Variants in LDLRAD3 observed in about 807,000 individuals in gnomAD.
LDLRAD3 encodes the protein low-density lipoprotein receptor class A domain-containing protein 3.
In LDLRAD3, 20 loss-of-function variants were observed where a neutral mutation model predicts 29.4. The observed-to-expected ratio is 0.68, with a 90% CI of 0.48 to 0.99. The LOEUF (loss-of-function observed/expected upper bound fraction) is 0.99, where lower values mean the gene tolerates loss of function less well. LDLRAD3 is among the 50% of genes least tolerant of loss of function. The pLI is 0.00. For synonymous variants in LDLRAD3, 157 were observed against 192.7 expected (o/e 0.81, Z 1.53); for missense variants, 420 against 454.3 (o/e 0.92, Z 0.69).
chr11:35,967,685 A>G (rs557685192), intron 1 of LDLRAD3: 2 of 470,198 alleles, frequency 4.3e-6, no homozygotes, highest in Non-Finnish European at 8.5e-6. Flanking sequence ...ACAAGGTTTC[A>G]TGTCCGGGTG....
chr11:36,082,485 G>C (rs1853130112), intron 3 of LDLRAD3, among the ~76,000 whole-genome samples: 1 of 152,242 alleles, frequency 6.6e-6, no homozygotes. Flanking sequence ...TCCAGCCTGG[G>C]CAACAGAGTG....
intron 4 of LDLRAD3, among the ~76,000 whole-genome samples, chr11:36,145,361 C>T (rs1397101117): frequency 2.2e-5 from 2 of 91,974 alleles, no homozygotes; most frequent in African/African-American, 5.3e-5. Flanking sequence ...CCCGGCCAGC[C>T]GCCCCGTCTG....
intron 1 of LDLRAD3, among the ~76,000 whole-genome samples, chr11:35,954,133 A>G (rs1851172021): frequency 6.6e-6 from 1 of 152,204 alleles, no homozygotes; most frequent in Admixed American, 6.5e-5. Context: ...CATTTGTGTT[A>G]TTCAAGTAAA....
rs533803571 is a variant in LDLRAD3 at position 36,105,052 on chromosome 11, C to T, written c.454+6591C>T. ...GCTCTTCTCAAGCAGCCACCAATGCCGGGAGAGTTAATTAAGTGTTTTGGC... is the reference window on the plus strand; with the variant it reads ...GCTCTTCTCAAGCAGCCACCAATGCTGGGAGAGTTAATTAAGTGTTTTGGC... On this transcript the variant is annotated intron_variant, in intron 4 of 5. Transcript: ENST00000315571. Among the ~76,000 whole-genome samples the T allele has an allele frequency of 8.5e-5, 13 of 152,210 alleles. No homozygotes were observed. In the South Asian group the frequency reaches 2.3e-3, roughly 27 times the overall value.
At chr11:35,964,309 G>A (rs1213794897) in intron 1 of LDLRAD3, among the ~76,000 whole-genome samples, 1 of 152,162 alleles carries the variant, frequency 6.6e-6, no homozygotes, top group Non-Finnish European at 1.5e-5. Context: ...TGTCATGATC[G>A]TGATTTGACC....
At chr11:36,060,882 T>C (rs1852688017) in intron 2 of LDLRAD3, among the ~76,000 whole-genome samples, 1 of 152,214 alleles carries the variant, frequency 6.6e-6, no homozygotes, top group African/African-American at 2.4e-5. Context: ...TTTTAAACTA[T>C]TTATTTATCT....
chr11:35,963,887 G>A (rs1025360547), intron 1 of LDLRAD3, among the ~76,000 whole-genome samples: 11 of 152,220 alleles, frequency 7.2e-5, no homozygotes, highest in African/African-American at 2.4e-4. Context: ...GAGGGAAAAC[G>A]TGCACGTGGG....
intron 1 of LDLRAD3, among the ~76,000 whole-genome samples, chr11:35,955,584 A>T (rs117919869): frequency 9.2e-5 from 14 of 152,368 alleles, no homozygotes; most frequent in African/African-American, 3.4e-4. Flanking sequence ...ATGGTATCAT[A>T]TAAGTAATTT....
intron 1 of LDLRAD3, among the ~76,000 whole-genome samples, chr11:35,979,152 A>G (rs1851509318): frequency 1.3e-5 from 2 of 152,170 alleles, no homozygotes; most frequent in African/African-American, 4.8e-5. Flanking sequence ...TGTGGAAACT[A>G]GCCTGGTTGA....
At chr11:36,189,849 A>G (rs1469570723) in intron 4 of LDLRAD3, among the ~76,000 whole-genome samples, 1 of 151,742 alleles carries the variant, frequency 6.6e-6, no homozygotes, top group African/African-American at 2.4e-5. Context: ...TGTTCTTGCG[A>G]TAGTTTGCTG....
In LDLRAD3 at chr11:36,098,187, G is replaced by C. The variant is rs888322548; in HGVS notation, c.320-140G>C. ...CCAGGTTTGGCTGGCCAGCCTTACA[G>C]CATGGGCTTTGAGTCTGCCAGCTTA... On this transcript the variant is annotated intron_variant, in intron 3 of 5. Coordinates refer to ENST00000315571, the MANE Select transcript of LDLRAD3 (RefSeq NM_174902.4). 2.9e-6 allele frequency: 3 copies of C among 1,018,270 alleles called. No individual in the cohort carries two copies. In the East Asian group the frequency reaches 7.5e-5, roughly 26 times the overall value. The allele number at this position is 1,018,270 out of a possible 1,614,324, so 63.1% of individuals were successfully genotyped here.
chr11:36,183,802 GC>G (rs1854802446), intron 4 of LDLRAD3, among the ~76,000 whole-genome samples: 1 of 152,034 alleles, frequency 6.6e-6, no homozygotes, highest in South Asian at 2.1e-4. Context: ...TCTTTCTGCT[GC>G]GTTCTGAATA....
chr11:36,149,895 A>G (rs1854252527), intron 4 of LDLRAD3, among the ~76,000 whole-genome samples: 1 of 152,084 alleles, frequency 6.6e-6, no homozygotes, highest in Admixed American at 6.5e-5. Flanking sequence ...CTCATGACTC[A>G]TGACTCATGA....
intron 4 of LDLRAD3, among the ~76,000 whole-genome samples, chr11:36,121,890 A>G (rs1449558542): frequency 2.0e-5 from 3 of 152,230 alleles, no homozygotes; most frequent in Non-Finnish European, 4.4e-5. Flanking sequence ...GGGCACTGCA[A>G]TGGCTGGTGT....
At chr11:35,994,507 T>C (rs181996563) in intron 1 of LDLRAD3, among the ~76,000 whole-genome samples, 67 of 152,302 alleles carry the variant, frequency 4.4e-4, no homozygotes, top group African/African-American at 1.5e-3. Context: ...ATGTTTTTTG[T>C]TGGTATAGGA....
At chr11:36,150,008 AG>A (rs1464085857) in intron 4 of LDLRAD3, among the ~76,000 whole-genome samples, 1 of 152,162 alleles carries the variant, frequency 6.6e-6, no homozygotes, top group Non-Finnish European at 1.5e-5. Context: ...GGAGTGTGGT[AG>A]GATGAGGTGG....
intron 1 of LDLRAD3, among the ~76,000 whole-genome samples, chr11:35,971,697 C>G (rs767541685): frequency 6.6e-6 from 1 of 152,010 alleles, no homozygotes; most frequent in Non-Finnish European, 1.5e-5. Context: ...TCCCAGGGTA[C>G]GAATATAGAA....
intron 4 of LDLRAD3, among the ~76,000 whole-genome samples, chr11:36,112,766 C>G (rs2133288420): frequency 6.6e-6 from 1 of 152,326 alleles, no homozygotes; most frequent in South Asian, 2.1e-4. Context: ...TGCTGGTCCA[C>G]CTAGAGGCCA....
chr11:36,134,840 GT>G (rs1474131003), intron 4 of LDLRAD3, among the ~76,000 whole-genome samples: 2 of 152,212 alleles, frequency 1.3e-5, no homozygotes, highest in East Asian at 3.8e-4. Context: ...TGGCAAGTTG[GT>G]GGTGGGTGCT....
Sources: gnomAD v4.1 joint callset for allele counts (sites outside exome capture counted in the v4.1 genomes callset) on GRCh38, gnomAD v4.1.1 for gene constraint, MANE v1.5 for transcripts, NCBI Gene and HGNC (gene_info 2026-07-23, HGNC 2026-07-21) for gene names.